The following PPP2R5E variants were observed in gnomAD, a reference collection of about 807,000 sequenced individuals.
The protein encoded by PPP2R5E is serine/threonine-protein phosphatase 2A 56 kDa regulatory subunit epsilon isoform.
In PPP2R5E, 4 loss-of-function variants were observed where a neutral mutation model predicts 65.3. The ratio of observed to expected loss-of-function variants is 0.06; its 90% CI spans 0.03 to 0.14. The LOEUF is 0.14. Ranked by LOEUF, PPP2R5E falls within the 10% of genes least tolerant of loss-of-function variation. PPP2R5E has a pLI of 1.00. For synonymous variants in PPP2R5E, 183 were observed against 187.4 expected (o/e 0.98, Z 0.19); for missense variants, 274 against 556.1 (o/e 0.49, Z 5.10).
rs972769369 is a variant in PPP2R5E, at chr14:63,374,954, A to T, written c.*1055T>A. 44 of 152,540 alleles carry T rather than the reference A, an allele frequency of 2.9e-4. No homozygotes were observed. The highest frequency in any genetic ancestry group is 9.6e-4 in the African/African-American group (40 of 41,514). The allele number at this position is 152,540 out of a possible 1,614,324, so 9.4% of individuals were successfully genotyped here. A position where few individuals can be genotyped will look rare whatever the true frequency, so the allele number is the denominator to read the frequency against. On this transcript the variant is annotated 3_prime_UTR_variant, in exon 14 of 14. Transcript: ENST00000337537. Reference sequence around the variant, plus strand: ...GATATAGAACGAGAATCTACAAAAAACACTGTAACATGTTTGTTTTTTCCC... The same window carrying T: ...GATATAGAACGAGAATCTACAAAAATCACTGTAACATGTTTGTTTTTTCCC...
At position 63,399,366 on chromosome 14, in the gene PPP2R5E, C is replaced by CTTTCTTT. The variant is rs1885604828; in HGVS notation, c.550-2651_550-2650insAAAGAAA. ...GCTACTAATAGGTCTGGATTTCTTT[C>CTTTCTTT]TTTTTTTTTTTTTTTTTTTTTTTTT... On this transcript the variant is annotated intron_variant, in intron 5 of 13. Transcript: ENST00000337537. 1.2e-3 allele frequency among the ~76,000 whole-genome samples: 58 copies of CTTTCTTT among 48,520 alleles called. 2 individuals are homozygous for CTTTCTTT. The highest frequency in any genetic ancestry group is 1.7e-3 in the Non-Finnish European group (48 of 27,618). The allele number at this position is 48,520 out of a possible 152,430, so 31.8% of individuals were successfully genotyped here.
At chr14:63,522,580 G>A (rs1892972690) in intron 2 of PPP2R5E, among the ~76,000 whole-genome samples, 1 of 148,916 alleles carries the variant, frequency 6.7e-6, no homozygotes, top group Non-Finnish European at 1.5e-5. Flanking sequence ...GATGTGGGGA[G>A]CGCCTCTGCC....
chr14:63,430,361 A>ACATGCATACATG (rs1566696321), intron 3 of PPP2R5E, among the ~76,000 whole-genome samples: 1 of 133,440 alleles, frequency 7.5e-6, no homozygotes, highest in Non-Finnish European at 1.5e-5. Flanking sequence ...ATACATACAT[A>ACATGCATACATG]CATACATACA....
At chr14:63,488,619 T>C (rs1891122867) in intron 2 of PPP2R5E, among the ~76,000 whole-genome samples, 1 of 150,984 alleles carries the variant, frequency 6.6e-6, no homozygotes, top group African/African-American at 2.4e-5. Context: ...GAGGCTGAGT[T>C]GGGCAGATCA....
chr14:63,418,432 G>A (rs1886818133), intron 4 of PPP2R5E, among the ~76,000 whole-genome samples: 1 of 152,168 alleles, frequency 6.6e-6, no homozygotes, highest in Non-Finnish European at 1.5e-5. Flanking sequence ...ATAAGCATAA[G>A]TGTTCTCTGC....
At chr14:63,397,811 C>T (rs1261033248) in intron 5 of PPP2R5E, among the ~76,000 whole-genome samples, 1 of 151,486 alleles carries the variant, frequency 6.6e-6, no homozygotes, top group South Asian at 2.1e-4. Context: ...GCAACCTCCG[C>T]CTCCTGTGTT....
chr14:63,430,944 A>C (rs1887635250), intron 3 of PPP2R5E, among the ~76,000 whole-genome samples: 1 of 152,220 alleles, frequency 6.6e-6, no homozygotes, highest in Non-Finnish European at 1.5e-5. Flanking sequence ...ATCTGAATTT[A>C]AGAAACCATT....
At chr14:63,389,591 C>T (rs200353717) in intron 11 of PPP2R5E, 21 bp downstream of exon 11, 67 of 1,588,940 alleles carry the variant, frequency 4.2e-5, no homozygotes, top group Non-Finnish European at 5.3e-5. Context: ...CTCCCTGGCT[C>T]ATGTCCTCTT....
intron 1 of PPP2R5E, among the ~76,000 whole-genome samples, chr14:63,540,655 G>A (rs570868438): frequency 1.4e-4 from 21 of 151,388 alleles, no homozygotes; most frequent in African/African-American, 4.6e-4. Flanking sequence ...CCCGGGAGGC[G>A]GAGTTGTGGT....
At chr14:63,403,243 C>T (rs1286352424) in intron 5 of PPP2R5E, among the ~76,000 whole-genome samples, 1 of 152,002 alleles carries the variant, frequency 6.6e-6, no homozygotes, top group African/African-American at 2.4e-5. Flanking sequence ...CATGGGCTAA[C>T]ATGGTGAAAC....
chr14:63,504,272 C>G (rs1275789722), intron 2 of PPP2R5E, among the ~76,000 whole-genome samples: 1 of 151,554 alleles, frequency 6.6e-6, no homozygotes, highest in Non-Finnish European at 1.5e-5. Context: ...AAAACAAAAA[C>G]AAAAAAAACC....
intron 3 of PPP2R5E, among the ~76,000 whole-genome samples, chr14:63,422,925 T>C (rs1333391181): frequency 6.6e-6 from 1 of 152,068 alleles, no homozygotes; most frequent in Non-Finnish European, 1.5e-5. Context: ...CAGAGTAAAA[T>C]CCTATCTGTG....
chr14:63,542,759 T>G lies in PPP2R5E; in HGVS notation c.-8+20A>C, dbSNP rs1379108902. The G allele has an allele frequency of 6.5e-6, 1 of 153,622 alleles. No homozygotes were observed. Among genetic ancestry groups the G allele is most frequent in the Non-Finnish European group, 1.5e-5 (1 of 68,426 alleles). The allele number at this position is 153,622 out of a possible 1,614,324, so 9.5% of individuals were successfully genotyped here. ...AAGAAGGGAAGCGGGCGAGCCGCGG[T>G]GCTGGAGGGACTAAGTTACCTTGAA... On this transcript the variant is annotated intron_variant, in intron 1 of 13. Coordinates refer to ENST00000337537, the MANE Select transcript of PPP2R5E (RefSeq NM_006246.5).
rs2139716394 is a variant in PPP2R5E at position 63,373,858 on chromosome 14, C to CT, written c.*2150dup. ...AACTAAATATAATGCAGAGTTGAAA[C>CT]TAAAGGGCTAAAATGACAAGGGCTA... On this transcript the variant is annotated 3_prime_UTR_variant, in exon 14 of 14. Coordinates refer to ENST00000337537, the MANE Select transcript of PPP2R5E (RefSeq NM_006246.5). The CT allele has an allele frequency of 6.6e-6, 1 of 152,120 alleles. No homozygotes were observed. Among genetic ancestry groups the CT allele is most frequent in the East Asian group, 1.9e-4 (1 of 5,188 alleles). 9.4% of individuals were successfully genotyped at this position (152,120 alleles called of 1,614,324 possible).
intron 8 of PPP2R5E, among the ~76,000 whole-genome samples, chr14:63,393,603 T>G (rs1457667348): frequency 6.6e-6 from 1 of 151,920 alleles, no homozygotes; most frequent in African/African-American, 2.4e-5. Context: ...TCACAGCTAC[T>G]CGGGAGGCTG....
At chr14:63,393,741 AG>A in intron 8 of PPP2R5E, 78 bp downstream of exon 8, 1 of 950,736 alleles carries the variant, frequency 1.1e-6, no homozygotes, top group Non-Finnish European at 1.6e-6. Flanking sequence ...AACAAAATGA[AG>A]GTTATATCAA....
chr14:63,433,946 C>G (rs1158780245), intron 3 of PPP2R5E, among the ~76,000 whole-genome samples: 1 of 152,148 alleles, frequency 6.6e-6, no homozygotes, highest in African/African-American at 2.4e-5. Context: ...TGTTCATTTG[C>G]TTTCTAGCTT....
chr14:63,516,631 A>G (rs1566756724), intron 2 of PPP2R5E, among the ~76,000 whole-genome samples: 1 of 152,184 alleles, frequency 6.6e-6, no homozygotes, highest in African/African-American at 2.4e-5. Context: ...CGTATTTCCT[A>G]CATTTGGCAA....
chr14:63,466,169 A>C (rs2139533255), intron 2 of PPP2R5E, among the ~76,000 whole-genome samples: 1 of 152,276 alleles, frequency 6.6e-6, no homozygotes, highest in African/African-American at 2.4e-5. Context: ...GTTTCAGAAT[A>C]AAATGAACCT....
Sources: gnomAD v4.1 joint callset for allele counts (sites outside exome capture counted in the v4.1 genomes callset) on GRCh38, gnomAD v4.1.1 for gene constraint, MANE v1.5 for transcripts, NCBI Gene and HGNC (gene_info 2026-07-23, HGNC 2026-07-21) for gene names.